The following NRXN3 variants were observed in gnomAD, a reference collection of about 807,000 sequenced individuals.
The protein encoded by NRXN3 is neurexin III.
NRXN3 carries 32 observed loss-of-function variants against 137.6 expected under a neutral mutation model. The ratio of observed to expected loss-of-function variants is 0.23; its 90% CI spans 0.18 to 0.31. NRXN3 has a LOEUF of 0.31. NRXN3 is among the 10% of genes least tolerant of loss of function. The pLI is 1.00. For missense variants in NRXN3, 1,574 were observed against 2,062.5 expected, an observed-to-expected ratio of 0.76 and a Z score of 4.59; for synonymous variants, 798 against 784.5, an observed-to-expected ratio of 1.02 and a Z score of -0.29.
At chr14:78,459,468 T>C (rs2094853357) in intron 4 of NRXN3, among the ~76,000 whole-genome samples, 1 of 152,150 alleles carries the variant, frequency 6.6e-6, no homozygotes, top group African/African-American at 2.4e-5. Context: ...CTCCAACCCA[T>C]GGAAGGTCTT....
At chr14:78,631,005 A>T (rs1382691197) in intron 4 of NRXN3, among the ~76,000 whole-genome samples, 1 of 152,100 alleles carries the variant, frequency 6.6e-6, no homozygotes, top group African/African-American at 2.4e-5. Context: ...GAGTTTTTTG[A>T]TAGTAAGTTT....
rs116938589 is a variant in NRXN3, at chr14:79,119,033, G to A, written c.3262+130892G>A. Among the ~76,000 whole-genome samples, 539 of 152,126 alleles carry A rather than the reference G, an allele frequency of 3.5e-3. 16 individuals carry two copies. In the East Asian group the frequency reaches 0.075, roughly 21 times the overall value. On this transcript the variant is annotated intron_variant, in intron 15 of 20. Transcript: ENST00000335750. ...AATTTATTTAAATCATATATCTGAA[G>A]ACCAAAACTTTTAAAACCCAAATTT...
intron 4 of NRXN3, among the ~76,000 whole-genome samples, chr14:78,547,141 T>C (rs1042168851): frequency 1.6e-4 from 25 of 152,216 alleles, no homozygotes; most frequent in African/African-American, 6.0e-4. Context: ...TTTTGTTGAG[T>C]TGATGATCAT....
chr14:79,840,545 G>C (rs2099353825), intron 20 of NRXN3, among the ~76,000 whole-genome samples: 1 of 152,104 alleles, frequency 6.6e-6, no homozygotes, highest in African/African-American at 2.4e-5. Flanking sequence ...AGTGAGAACT[G>C]AATATTTTAA....
intron 4 of NRXN3, among the ~76,000 whole-genome samples, chr14:78,553,050 T>G (rs562361509): frequency 6.6e-6 from 1 of 152,368 alleles, no homozygotes; most frequent in African/African-American, 2.4e-5. Flanking sequence ...TTCCCAGGAC[T>G]ATTTTAATTA....
chr14:78,414,377 T>C (rs893388876), intron 4 of NRXN3, among the ~76,000 whole-genome samples: 1 of 152,176 alleles, frequency 6.6e-6, no homozygotes, highest in African/African-American at 2.4e-5. Flanking sequence ...GTGCACACTG[T>C]CCTGATCTTT....
At chr14:78,291,270 T>C (rs1292375649) in intron 3 of NRXN3, among the ~76,000 whole-genome samples, 3 of 152,220 alleles carry the variant, frequency 2.0e-5, no homozygotes, top group Non-Finnish European at 4.4e-5. Context: ...GCTTCGGTTT[T>C]CTCACGTGTA....
intron 4 of NRXN3, among the ~76,000 whole-genome samples, chr14:78,441,656 G>A (rs1283939567): frequency 6.6e-6 from 1 of 151,936 alleles, no homozygotes; most frequent in East Asian, 1.9e-4. Flanking sequence ...CAAAAGATAT[G>A]TTACATCTTA....
At chr14:79,169,145 T>G (rs973381319) in intron 15 of NRXN3, among the ~76,000 whole-genome samples, 1 of 152,074 alleles carries the variant, frequency 6.6e-6, no homozygotes, top group Non-Finnish European at 1.5e-5. Context: ...ATCTTACACT[T>G]TGCCTTAGAT....
chr14:78,979,550 T>C (rs1025508977), intron 14 of NRXN3, among the ~76,000 whole-genome samples: 4 of 152,132 alleles, frequency 2.6e-5, no homozygotes, highest in Non-Finnish European at 5.9e-5. Context: ...AATTTTAAAA[T>C]GTGAAAGTAG....
chr14:78,876,024 T>C (rs1468088387), intron 10 of NRXN3, among the ~76,000 whole-genome samples: 4 of 152,216 alleles, frequency 2.6e-5, no homozygotes, highest in African/African-American at 9.6e-5. Context: ...CCATTTCTTA[T>C]GTCTATCAGC....
Position 79,347,568 on chromosome 14 carries a change from C to T in NRXN3, c.3263-119653C>T, listed in dbSNP as rs138356299. ...TCCTGAGTAGCTGGGACTATAGGCA[C>T]GTGCCACCACCCCTGGCTAATTTTT... is the stretch of plus-strand genomic sequence containing the variant. On this transcript the variant is annotated intron_variant, in intron 15 of 20. Coordinates refer to ENST00000335750, the MANE Select transcript of NRXN3 (RefSeq NM_001330195.2). Among the ~76,000 whole-genome samples, 54 of 152,024 alleles carry T rather than the reference C, an allele frequency of 3.6e-4. No individual in the cohort carries two copies. In the East Asian group the frequency reaches 9.7e-3, roughly 27 times the overall value.
At chr14:78,800,041 A>C (rs1336590621) in intron 8 of NRXN3, among the ~76,000 whole-genome samples, 2 of 152,190 alleles carry the variant, frequency 1.3e-5, no homozygotes, top group East Asian at 3.9e-4. Flanking sequence ...AAGAAATAAA[A>C]ATTTTGTATA....
intron 4 of NRXN3, among the ~76,000 whole-genome samples, chr14:78,383,261 T>C (rs1188514721): frequency 1.3e-5 from 2 of 152,162 alleles, no homozygotes; most frequent in Non-Finnish European, 2.9e-5. Flanking sequence ...TGCCAAGGTC[T>C]GCTCACAATC....
At chr14:78,296,588 C>T (rs1255532288) in intron 3 of NRXN3, among the ~76,000 whole-genome samples, 3 of 152,106 alleles carry the variant, frequency 2.0e-5, no homozygotes, top group Admixed American at 6.5e-5. Flanking sequence ...TTCATTCTTC[C>T]GTGAGTATTT....
At chr14:79,305,080 T>C (rs983381205) in intron 15 of NRXN3, among the ~76,000 whole-genome samples, 8 of 152,068 alleles carry the variant, frequency 5.3e-5, no homozygotes, top group African/African-American at 1.9e-4. Flanking sequence ...TATGTAACCT[T>C]GGGCAAGTTT....
intron 16 of NRXN3, among the ~76,000 whole-genome samples, chr14:79,565,898 G>A (rs967317944): frequency 6.6e-6 from 1 of 152,108 alleles, no homozygotes; most frequent in South Asian, 2.1e-4. Flanking sequence ...GTTAATGTTT[G>A]TTAAGAAAAA....
At chr14:79,057,545 T>C (rs1351834680) in intron 15 of NRXN3, among the ~76,000 whole-genome samples, 1 of 152,018 alleles carries the variant, frequency 6.6e-6, no homozygotes, top group African/African-American at 2.4e-5. Flanking sequence ...GAGGGATGAG[T>C]AAGGAAGATG....
intron 10 of NRXN3, among the ~76,000 whole-genome samples, chr14:78,850,343 A>C (rs73319799): frequency 0.035 from 5,367 of 152,200 alleles, 144 homozygotes; most frequent in African/African-American, 0.069. Flanking sequence ...GGCCTTTACC[A>C]AGTTAGTATT....
Sources: gnomAD v4.1 joint callset for allele counts (sites outside exome capture counted in the v4.1 genomes callset) on GRCh38, gnomAD v4.1.1 for gene constraint, MANE v1.5 for transcripts, NCBI Gene and HGNC (gene_info 2026-07-23, HGNC 2026-07-21) for gene names.